The following HECW2 variants were observed in gnomAD, a reference collection of about 807,000 sequenced individuals.
HECW2 encodes E3 ubiquitin-protein ligase HECW2.
HECW2 carries 61 observed loss-of-function variants against 175.2 expected under a neutral mutation model. That is an observed-to-expected ratio of 0.35 (90% CI 0.28 to 0.43). HECW2 has a LOEUF of 0.43. Ranked by LOEUF, HECW2 falls within the 20% of genes least tolerant of loss-of-function variation. The probability of loss-of-function intolerance (pLI) is 1.00; values close to 1 mark genes in which losing one functional copy is unlikely to be tolerated. For synonymous variants in HECW2, 671 were observed against 731.0 expected (o/e 0.92, Z 1.32); for missense variants, 1,524 against 2,000.5 (o/e 0.76, Z 4.54).
intron 1 of HECW2, among the ~76,000 whole-genome samples, chr2:196,437,422 G>A (rs559656693): frequency 6.6e-6 from 1 of 151,828 alleles, no homozygotes; most frequent in Non-Finnish European, 1.5e-5. Context: ...GATCAACCTG[G>A]CCAACATGGT....
intron 7 of HECW2, among the ~76,000 whole-genome samples, chr2:196,321,390 TC>T (rs1691935358): frequency 2.2e-5 from 1 of 46,116 alleles, no homozygotes; most frequent in Non-Finnish European, 5.8e-5. Context: ...TCTTTTTCTC[TC>T]TTTTTTTTTT....
intron 10 of HECW2, among the ~76,000 whole-genome samples, chr2:196,312,197 T>C (rs1382167757): frequency 6.6e-6 from 1 of 151,278 alleles, no homozygotes; most frequent in Non-Finnish European, 1.5e-5. Context: ...GATGCTGATA[T>C]TGAGAAGTTA....
At chr2:196,393,803 G>C (rs896587152) in intron 2 of HECW2, among the ~76,000 whole-genome samples, 6 of 152,178 alleles carry the variant, frequency 3.9e-5, no homozygotes, top group African/African-American at 1.4e-4. Context: ...CCATTACTGG[G>C]TATATACCCA....
intron 1 of HECW2, among the ~76,000 whole-genome samples, chr2:196,495,628 C>G (rs1193199055): frequency 2.0e-5 from 3 of 152,164 alleles, no homozygotes; most frequent in Non-Finnish European, 4.4e-5. Context: ...AAAGGCCAGA[C>G]AGCATGTGCA....
intron 21 of HECW2, 150 bp downstream of exon 21, chr2:196,240,298 TA>T (rs35227584): frequency 0.071 from 25,066 of 353,688 alleles, 1 homozygote; most frequent in Middle Eastern, 0.083. Flanking sequence ...AGGAGACCTT[TA>T]AAAAAAAAAA....
intron 15 of HECW2, among the ~76,000 whole-genome samples, chr2:196,275,462 G>A (rs1689908284): frequency 6.6e-6 from 1 of 152,002 alleles, no homozygotes; most frequent in East Asian, 1.9e-4. Context: ...AAGAATGCGG[G>A]AAATGTGTGG....
intron 2 of HECW2, among the ~76,000 whole-genome samples, chr2:196,375,841 C>T (rs943762097): frequency 4.6e-5 from 7 of 152,270 alleles, no homozygotes; most frequent in Admixed American, 2.0e-4. Context: ...TTATGAATGA[C>T]ACTTGTTCTA....
At chr2:196,212,887 A>G (rs1687342599) in intron 28 of HECW2, among the ~76,000 whole-genome samples, 1 of 152,188 alleles carries the variant, frequency 6.6e-6, no homozygotes, top group Non-Finnish European at 1.5e-5. Context: ...CACATTTTAA[A>G]TGTTAAACAT....
At chr2:196,288,157 C>A (rs10804072) in intron 14 of HECW2, 142,139 of 152,292 alleles carry the variant, frequency 0.93, 66,733 homozygotes, top group Non-Finnish European at 0.98. Flanking sequence ...GTGGCTTTAC[C>A]CAGGAAGTAC....
intron 21 of HECW2, 140 bp downstream of exon 21, chr2:196,240,309 A>G: frequency 2.1e-6 from 1 of 473,106 alleles, no homozygotes; most frequent in African/African-American, 2.0e-5. Context: ...AAAAAAAAAA[A>G]AGCCCAAAGG....
chr2:196,361,126 A>G (rs1013014212), intron 2 of HECW2, among the ~76,000 whole-genome samples: 5 of 152,164 alleles, frequency 3.3e-5, no homozygotes, highest in Admixed American at 1.3e-4. Context: ...ATAAAACTAA[A>G]ATTTTGCCCT....
intron 21 of HECW2, among the ~76,000 whole-genome samples, chr2:196,236,717 A>G (rs901191927): frequency 6.6e-6 from 1 of 152,056 alleles, no homozygotes; most frequent in Non-Finnish European, 1.5e-5. Flanking sequence ...TTTGTCTAAC[A>G]TTTTTCTCAT....
At chr2:196,533,372 C>G (rs1187468044) in intron 1 of HECW2, among the ~76,000 whole-genome samples, 1 of 152,118 alleles carries the variant, frequency 6.6e-6, no homozygotes, top group Non-Finnish European at 1.5e-5. Context: ...GGATAGAGCC[C>G]CTTCCATAAC....
intron 1 of HECW2, among the ~76,000 whole-genome samples, chr2:196,499,853 TTTTA>T (rs982426605): frequency 3.3e-5 from 5 of 152,262 alleles, no homozygotes; most frequent in East Asian, 3.9e-4. Flanking sequence ...TCCTCAAGGG[TTTTA>T]TTTATTTTAA....
chr2:196,515,409 T>C (rs930572203), intron 1 of HECW2, among the ~76,000 whole-genome samples: 2 of 151,524 alleles, frequency 1.3e-5, no homozygotes, highest in Admixed American at 6.6e-5. Context: ...GCAACAGAGG[T>C]TTCCAGCTGG....
intron 7 of HECW2, 31 bp from the exon 8 acceptor site, chr2:196,320,470 G>A: frequency 7.0e-7 from 1 of 1,438,434 alleles, no homozygotes; most frequent in Non-Finnish European, 9.7e-7. Context: ...CTTTCATCCT[G>A]ACTACGCTGG....
At chr2:196,201,898 T>C (rs1686871301) in intron 28 of HECW2, among the ~76,000 whole-genome samples, 1 of 152,194 alleles carries the variant, frequency 6.6e-6, no homozygotes. Flanking sequence ...TCTTGGGAAA[T>C]TCCCTGGCTG....
chr2:196,475,987 T>C lies in HECW2; in HGVS notation c.-35-42529A>G, dbSNP rs540687543. On this transcript the variant is annotated intron_variant, in intron 1 of 28. Transcript: ENST00000644978. ...GCCTCGGACCCGCTGTGCCTCACCATGTTCATCTAGCATAGGACCCTCAAT... is the reference window on the plus strand; with the variant it reads ...GCCTCGGACCCGCTGTGCCTCACCACGTTCATCTAGCATAGGACCCTCAAT... Among the ~76,000 whole-genome samples the C allele has an allele frequency of 3.3e-5, 5 of 152,342 alleles. No individual in the cohort carries two copies. In the East Asian group the frequency reaches 9.6e-4, roughly 29 times the overall value.
At chr2:196,574,055 T>C (rs998355125) in intron 1 of HECW2, among the ~76,000 whole-genome samples, 10 of 151,912 alleles carry the variant, frequency 6.6e-5, no homozygotes, top group African/African-American at 2.4e-4. Context: ...CATTATAAAA[T>C]CACTGGTGTT....
Sources: allele counts gnomAD v4.1 joint callset (sites outside exome capture counted in the v4.1 genomes callset), GRCh38; gene constraint gnomAD v4.1.1; transcripts MANE v1.5; gene names NCBI Gene and HGNC (gene_info 2026-07-23, HGNC 2026-07-21).